GRM2: variants seen among roughly 807,000 people sequenced by gnomAD.
GRM2 encodes metabotropic glutamate receptor 2.
In GRM2, 35 loss-of-function variants were observed where a neutral mutation model predicts 60.4. The observed-to-expected ratio is 0.58, with a 90% CI of 0.44 to 0.77. The LOEUF is 0.77. GRM2 is among the 30% of genes least tolerant of loss of function. The pLI is 0.00. For missense variants in GRM2, 925 were observed against 1,199.5 expected, an observed-to-expected ratio of 0.77 and a Z score of 3.38; for synonymous variants, 437 against 484.1, an observed-to-expected ratio of 0.90 and a Z score of 1.28.
In GRM2 at chr3:51,709,389, A is replaced by G. The variant is rs781211820; in HGVS notation, c.406A>G (p.Ile136Val). Residue 136 changes from isoleucine (I) to valine (V), a missense_variant, in exon 2 of 6, where the codon ATC becomes GTC. Transcript: ENST00000395052. Reference sequence around the variant, plus strand: ...GACCCATGGTGATGCTCCCACTGCCATCACTGGTGTTATTGGCGGTTCCTA... The same window carrying G: ...GACCCATGGTGATGCTCCCACTGCCGTCACTGGTGTTATTGGCGGTTCCTA... ...YATHGDAPTA[I>V]TGVIGGSYSD... 6 of 1,579,130 alleles carry G rather than the reference A, an allele frequency of 3.8e-6. No homozygotes were observed. The Admixed American group carries it at 5.1e-5, about 13-fold the overall frequency.
In GRM2 at chr3:51,709,424, C is replaced by G. The variant is rs772429565; in HGVS notation, c.441C>G (p.Val147=). 6.5e-7 allele frequency: 1 copy of G among 1,547,330 alleles called. No homozygotes were observed. The highest frequency in any genetic ancestry group is 1.4e-5 in the African/African-American group (1 of 73,964). Residue 147 remains valine, a synonymous_variant, in exon 2 of 6, where the codon GTC becomes GTG. Transcript: ENST00000395052. Reference sequence around the variant, plus strand: ...TTATTGGCGGTTCCTACAGTGATGTCTCCATCCAGGTACGTGGAAGCCACC... The same window carrying G: ...TTATTGGCGGTTCCTACAGTGATGTGTCCATCCAGGTACGTGGAAGCCACC... ...TGVIGGSYSD[V]SIQVANLLRL...
intron 2 of GRM2, among the ~76,000 whole-genome samples, chr3:51,711,886 G>C (rs531644219): frequency 4.6e-5 from 7 of 152,228 alleles, no homozygotes; most frequent in African/African-American, 1.2e-4. Flanking sequence ...ACTCCTGTGG[G>C]ACCTGAGGGT....
Position 51,717,637 on chromosome 3 carries a change from G to T in GRM2, c.2365G>T (p.Val789Leu). ...TTGTTCACCCACTCACCCACCGCAGGTACAGACCACCACCATGTGCGTGTC... is the reference window on the plus strand; with the variant it reads ...TTGTTCACCCACTCACCCACCGCAGTTACAGACCACCACCATGTGCGTGTC... ...IFYVTSSDYR[V>L]QTTTMCVSVS... The change falls in exon 5 of 6, where the codon GTA becomes TTA. Residue 789 changes from valine to leucine, a missense_variant and splice_region_variant. Coordinates refer to ENST00000395052, the MANE Select transcript of GRM2 (RefSeq NM_000839.5). This position sits in a 1 kb window ranked among gnomAD's most constrained non-coding sequence, Gnocchi z 6.0. 6.2e-7 allele frequency: 1 copy of T among 1,612,758 alleles called. No individual in the cohort carries two copies. The highest frequency in any genetic ancestry group is 1.1e-5 in the South Asian group (1 of 90,962).
In GRM2 at chr3:51,716,900, C is replaced by G. The variant is rs1049599920; in HGVS notation, c.2365-737C>G. Among the ~76,000 whole-genome samples the G allele has an allele frequency of 2.6e-5, 4 of 152,188 alleles. No individual in the cohort carries two copies. The highest frequency in any genetic ancestry group is 4.8e-5 in the African/African-American group (2 of 41,432). On this transcript the variant is annotated intron_variant, in intron 4 of 5. Coordinates refer to ENST00000395052, the MANE Select transcript of GRM2 (RefSeq NM_000839.5). The surrounding 1 kb of genome is among the most constrained non-coding windows in gnomAD (Gnocchi z 4.0). ...CGAAAGCCCCGGCAAAGGCCCCTTCCCCAGGACAGAGGTGTGGTGGCACAG... is the reference window on the plus strand; with the variant it reads ...CGAAAGCCCCGGCAAAGGCCCCTTCGCCAGGACAGAGGTGTGGTGGCACAG...
Position 51,713,232 on chromosome 3 carries a change from A to G in GRM2, c.1210A>G (p.Thr404Ala). The G allele has an allele frequency of 6.2e-7, 1 of 1,612,728 alleles. No individual in the cohort carries two copies. Among genetic ancestry groups the G allele is most frequent in the Non-Finnish European group, 8.5e-7 (1 of 1,179,926 alleles). ...GCACCGTGCCCTCTGCCCCAACACCACCCGGCTCTGTGACGCGATGCGGCC... is the reference window on the plus strand; with the variant it reads ...GCACCGTGCCCTCTGCCCCAACACCGCCCGGCTCTGTGACGCGATGCGGCC... ...NMHRALCPNT[T>A]RLCDAMRPVN... The change falls in exon 3 of 6, where the codon ACC becomes GCC. Residue 404 changes from threonine to alanine, a missense_variant. By Grantham distance (58) the Thr-to-Ala change is moderately conservative. Coordinates refer to ENST00000395052, the MANE Select transcript of GRM2 (RefSeq NM_000839.5). This position sits in a 1 kb window ranked among gnomAD's most constrained non-coding sequence, Gnocchi z 4.8.
chr3:51,716,033 G>A lies in GRM2; in HGVS notation c.2260G>A (p.Glu754Lys). 4 of 1,614,214 alleles carry A rather than the reference G, an allele frequency of 2.5e-6. No homozygotes were observed. Among genetic ancestry groups the A allele is most frequent in the Non-Finnish European group, 3.4e-6 (4 of 1,180,036 alleles). ...TGCCTTCAAGACTCGCAAGTGCCCC[G>A]AAAACTTCAACGAGGCCAAGTTCAT... ...LYAFKTRKCP[E>K]NFNEAKFIGF... The change falls in exon 4 of 6, where the codon GAA becomes AAA. Residue 754 changes from glutamate (E) to lysine (K), a missense_variant. Glu to Lys is a moderately conservative substitution (Grantham distance 56). Coordinates refer to ENST00000395052, the MANE Select transcript of GRM2 (RefSeq NM_000839.5). This position sits in a 1 kb window ranked among gnomAD's most constrained non-coding sequence, Gnocchi z 4.0.
Position 51,713,113 on chromosome 3 carries a change from C to T in GRM2, c.1091C>T (p.Ala364Val). 1.2e-6 allele frequency: 2 copies of T among 1,613,120 alleles called. No homozygotes were observed. Among genetic ancestry groups the T allele is most frequent in the Middle Eastern group, 1.6e-4 (1 of 6,062 alleles). ...RCSFRQRDCA[A>V]HSLRAVPFEQ... ...AGCTTCCGGCAGCGAGACTGCGCAG[C>T]CCACTCTCTCCGGGCTGTGCCCTTT... Residue 364 changes from alanine (A) to valine (V), a missense_variant, in exon 3 of 6, where the codon GCC becomes GTC. Ala to Val is a moderately conservative substitution (Grantham distance 64, BLOSUM62 0). Coordinates refer to ENST00000395052, the MANE Select transcript of GRM2 (RefSeq NM_000839.5). The surrounding 1 kb of genome is among the most constrained non-coding windows in gnomAD (Gnocchi z 4.8).
In GRM2 at chr3:51,715,279, G is replaced by A. The variant is rs774155600; in HGVS notation, c.1506G>A (p.Glu502=). 1.2e-6 allele frequency: 2 copies of A among 1,610,820 alleles called. No homozygotes were observed. Among genetic ancestry groups the A allele is most frequent in the Admixed American group, 3.3e-5 (2 of 59,762 alleles). Residue 502 remains glutamate, a synonymous_variant, in exon 4 of 6, where the codon GAG becomes GAA. Coordinates refer to ENST00000395052, the MANE Select transcript of GRM2 (RefSeq NM_000839.5). This position sits in a 1 kb window ranked among gnomAD's most constrained non-coding sequence, Gnocchi z 9.0. ...CCCTGCCCGCCTCTCGCTGCAGTGA[G>A]CCCTGCCTCCAGAATGAGGTGAAGA... ...AGPLPASRCS[E]PCLQNEVKSV...
In GRM2 at chr3:51,709,427, C is replaced by A; in HGVS notation, c.444C>A (p.Ser148=). Residue 148 remains serine (S), a synonymous_variant, in exon 2 of 6, where the codon TCC becomes TCA. Transcript: ENST00000395052. ...GVIGGSYSDV[S]IQVANLLRLF... Reference sequence around the variant, plus strand: ...TTGGCGGTTCCTACAGTGATGTCTCCATCCAGGTACGTGGAAGCCACCCAA... The same window carrying A: ...TTGGCGGTTCCTACAGTGATGTCTCAATCCAGGTACGTGGAAGCCACCCAA... 1 of 1,536,926 alleles carries A rather than the reference C, an allele frequency of 6.5e-7. No homozygotes were observed. Among genetic ancestry groups the A allele is most frequent in the African/African-American group, 1.4e-5 (1 of 73,718 alleles).
Position 51,715,401 on chromosome 3 carries a change from G to A in GRM2, c.1628G>A (p.Gly543Asp), listed in dbSNP as rs867459164. ...TTCACTTGCGCTGATTGTGGCCTGG[G>A]CTACTGGCCCAATGCCAGCCTGACT... ...DEFTCADCGL[G>D]YWPNASLTGC... is the part of the protein sequence containing the mutation. The change falls in exon 4 of 6, where the codon GGC (glycine) becomes GAC (aspartate). Residue 543 changes from glycine to aspartate, a missense_variant. Physicochemically the swap from Gly to Asp is moderately conservative, Grantham distance 94. Transcript: ENST00000395052. This position sits in a 1 kb window ranked among gnomAD's most constrained non-coding sequence, Gnocchi z 9.0. 1 of 1,613,542 alleles carries A rather than the reference G, an allele frequency of 6.2e-7. No individual in the cohort carries two copies. The highest frequency in any genetic ancestry group is 8.5e-7 in the Non-Finnish European group (1 of 1,180,032).
At position 51,715,490 on chromosome 3, in the gene GRM2, A is replaced by C; in HGVS notation, c.1717A>C (p.Thr573Pro). 1 of 1,613,042 alleles carries C rather than the reference A, an allele frequency of 6.2e-7. No individual in the cohort carries two copies. Among genetic ancestry groups the C allele is most frequent in the Non-Finnish European group, 8.5e-7 (1 of 1,179,994 alleles). Residue 573 changes from threonine (T) to proline (P), a missense_variant, in exon 4 of 6, where the codon ACC becomes CCC. By Grantham distance (38) the Thr-to-Pro change is conservative. Coordinates refer to ENST00000395052, the MANE Select transcript of GRM2 (RefSeq NM_000839.5). This position sits in a 1 kb window ranked among gnomAD's most constrained non-coding sequence, Gnocchi z 9.0. ...WGDAWAVGPVTIACLGALATL... is the reference protein window; with the variant it reads ...WGDAWAVGPVPIACLGALATL... ...CGATGCCTGGGCTGTGGGACCTGTC[A>C]CCATCGCCTGCCTCGGTGCCCTGGC...
Position 51,713,111 on chromosome 3 carries a change from A to G in GRM2, c.1089A>G (p.Ala363=). ...FRCSFRQRDC[A]AHSLRAVPFE... Reference sequence around the variant, plus strand: ...GCAGCTTCCGGCAGCGAGACTGCGCAGCCCACTCTCTCCGGGCTGTGCCCT... The same window carrying G: ...GCAGCTTCCGGCAGCGAGACTGCGCGGCCCACTCTCTCCGGGCTGTGCCCT... Residue 363 remains alanine (A), a synonymous_variant, in exon 3 of 6, where the codon GCA becomes GCG. Coordinates refer to ENST00000395052, the MANE Select transcript of GRM2 (RefSeq NM_000839.5). This position sits in a 1 kb window ranked among gnomAD's most constrained non-coding sequence, Gnocchi z 4.8. The G allele has an allele frequency of 6.2e-7, 1 of 1,613,120 alleles. No individual in the cohort carries two copies. The highest frequency in any genetic ancestry group is 1.3e-5 in the African/African-American group (1 of 75,062).
chr3:51,715,537 CTT>C lies in GRM2; in HGVS notation c.1766_1767del (p.Phe589CysfsTer197). Reference protein sequence around the residue: ...ALATLFVLGVFVRHNATPVVK... With the variant: ...ALATLFVLGVXVRHNATPVVK... The stretch of plus-strand genomic sequence containing the variant: ...TGGCCACCCTCTTTGTGCTGGGTGT[CTT>C]TGTGCGGCACAATGCCACACCAGTG... On this transcript the variant is annotated frameshift_variant, in exon 4 of 6. Coordinates refer to ENST00000395052, the MANE Select transcript of GRM2 (RefSeq NM_000839.5). LOFTEE classifies it high-confidence loss of function. The surrounding 1 kb of genome is among the most constrained non-coding windows in gnomAD (Gnocchi z 9.0). 1 of 1,613,814 alleles carries C rather than the reference CTT, an allele frequency of 6.2e-7. No individual in the cohort carries two copies. Among genetic ancestry groups the C allele is most frequent in the Non-Finnish European group, 8.5e-7 (1 of 1,180,050 alleles).
chr3:51,718,175 G>T lies in GRM2; in HGVS notation c.*63G>T. The stretch of plus-strand genomic sequence containing the variant: ...GAACCTAGTGCAGACCCACGTCCAG[G>T]GCCAGGAGGAAGTTGGCTGGAGCAC... On this transcript the variant is annotated 3_prime_UTR_variant, in exon 6 of 6. Transcript: ENST00000395052. The surrounding 1 kb of genome is among the most constrained non-coding windows in gnomAD (Gnocchi z 4.2). 7.2e-7 allele frequency: 1 copy of T among 1,384,310 alleles called. No individual in the cohort carries two copies. The highest frequency in any genetic ancestry group is 1.0e-6 in the Non-Finnish European group (1 of 970,046). The allele number at this position is 1,384,310 out of a possible 1,614,324, so 85.8% of individuals were successfully genotyped here.
Position 51,717,957 on chromosome 3 carries a change from C to T in GRM2, c.2546-82C>T. 2 of 1,450,860 alleles carry T rather than the reference C, an allele frequency of 1.4e-6. No individual in the cohort carries two copies. Among genetic ancestry groups the T allele is most frequent in the South Asian group, 2.3e-5 (2 of 87,822 alleles). 89.9% of individuals were successfully genotyped at this position (1,450,860 alleles called of 1,614,324 possible). The stretch of plus-strand genomic sequence containing the variant: ...GGACAGGAGAGGGGAGGGGAGGCTT[C>T]CCTCACAGCCCTGCTTCCCCACTGC... On this transcript the variant is annotated intron_variant, in intron 5 of 5. Coordinates refer to ENST00000395052, the MANE Select transcript of GRM2 (RefSeq NM_000839.5). This position sits in a 1 kb window ranked among gnomAD's most constrained non-coding sequence, Gnocchi z 6.0.
Position 51,717,572 on chromosome 3 carries a change from G to A in GRM2, c.2365-65G>A. ...CCCCACTCCCTCCCCCACAGATCAG[G>A]CAGGGGGTCCTGGGGTCAGGCCCAG... On this transcript the variant is annotated intron_variant, in intron 4 of 5. Coordinates refer to ENST00000395052, the MANE Select transcript of GRM2 (RefSeq NM_000839.5). This position sits in a 1 kb window ranked among gnomAD's most constrained non-coding sequence, Gnocchi z 6.0. The A allele has an allele frequency of 1.5e-6, 2 of 1,333,366 alleles. No homozygotes were observed. Among genetic ancestry groups the A allele is most frequent in the South Asian group, 1.3e-5 (1 of 78,938 alleles). The allele number at this position is 1,333,366 out of a possible 1,614,324, so 82.6% of individuals were successfully genotyped here. A position where few individuals can be genotyped will look rare whatever the true frequency, so the allele number is the denominator to read the frequency against.
At position 51,717,345 on chromosome 3, in the gene GRM2, A is replaced by G. The variant is rs1182324213; in HGVS notation, c.2365-292A>G. Among the ~76,000 whole-genome samples the G allele has an allele frequency of 1.3e-5, 2 of 151,956 alleles. No individual in the cohort carries two copies. Among genetic ancestry groups the G allele is most frequent in the Admixed American group, 6.6e-5 (1 of 15,256 alleles). ...TACACAGATATACACACACACCTACATGCACGCACTCCATTCCTGCAGCCC... is the reference window on the plus strand; with the variant it reads ...TACACAGATATACACACACACCTACGTGCACGCACTCCATTCCTGCAGCCC... On this transcript the variant is annotated intron_variant, in intron 4 of 5. Transcript: ENST00000395052. The surrounding 1 kb of genome is among the most constrained non-coding windows in gnomAD (Gnocchi z 6.0).
At position 51,717,990 on chromosome 3, in the gene GRM2, C is replaced by G. The variant is rs1414434482; in HGVS notation, c.2546-49C>G. Reference sequence around the variant, plus strand: ...GCCCTGCTTCCCCACTGCCTGCCCTCCATGGAGGACCTCGGGATTGGCCCC... The same window carrying G: ...GCCCTGCTTCCCCACTGCCTGCCCTGCATGGAGGACCTCGGGATTGGCCCC... On this transcript the variant is annotated intron_variant, in intron 5 of 5. Transcript: ENST00000395052. This position sits in a 1 kb window ranked among gnomAD's most constrained non-coding sequence, Gnocchi z 6.0. 2 of 1,561,436 alleles carry G rather than the reference C, an allele frequency of 1.3e-6. No homozygotes were observed. Among genetic ancestry groups the G allele is most frequent in the Admixed American group, 1.7e-5 (1 of 59,960 alleles).
At chr3:51,709,780 ACACACCCACACACACCCCACACCCACCCC>A (rs1703642372) in intron 2 of GRM2, among the ~76,000 whole-genome samples, 3 of 7,456 alleles carry the variant, frequency 4.0e-4, no homozygotes, top group African/African-American at 5.0e-4. Context: ...CACGCACCCC[ACACACCCACACACACCCCACACCCACCCC>A]CACACCCACA....
Sources: allele counts gnomAD v4.1 joint callset (sites outside exome capture counted in the v4.1 genomes callset), GRCh38; gene constraint gnomAD v4.1.1; non-coding constraint Gnocchi (gnomAD v3.1); transcripts MANE v1.5; gene names NCBI Gene and HGNC (gene_info 2026-07-23, HGNC 2026-07-21).